Variants in CHD7 observed in about 807,000 individuals in gnomAD.
CHD7 encodes the protein ATP-dependent chromatin remodeler CHD7.
CHD7 carries 24 observed loss-of-function variants against 307.3 expected under a neutral mutation model. The observed-to-expected ratio is 0.08, with a 90% CI of 0.06 to 0.11. The LOEUF (loss-of-function observed/expected upper bound fraction) is 0.11, where lower values mean the gene tolerates loss of function less well. Ranked by LOEUF, CHD7 falls within the 10% of genes least tolerant of loss-of-function variation. The pLI, the probability that CHD7 is intolerant of heterozygous loss-of-function variation, is 1.00. For synonymous variants in CHD7, 1,363 were observed against 1,349.9 expected, an observed-to-expected ratio of 1.01 and a Z score of -0.21; for missense variants, 3,106 against 3,727.1, an observed-to-expected ratio of 0.83 and a Z score of 4.34.
intron 25 of CHD7, 132 bp from the exon 26 acceptor site, chr8:60,850,361 C>A (rs1429919442): frequency 1.4e-5 from 15 of 1,104,194 alleles, no homozygotes; most frequent in Non-Finnish European, 1.9e-5. Flanking sequence ...AAACAAGGTC[C>A]ACTTGGATTC....
chr8:60,695,543 T>C (rs185519049), intron 1 of CHD7, among the ~76,000 whole-genome samples: 6 of 152,322 alleles, frequency 3.9e-5, no homozygotes, highest in Admixed American at 2.0e-4. Flanking sequence ...GTGTGTGTTG[T>C]AGCGTTGGGA....
At chr8:60,761,138 T>C (rs949345293) in intron 2 of CHD7, among the ~76,000 whole-genome samples, 3 of 151,990 alleles carry the variant, frequency 2.0e-5, no homozygotes, top group South Asian at 4.2e-4. Flanking sequence ...GTGGCACATA[T>C]ACACCATGGA....
At chr8:60,850,755 T>G in intron 26 of CHD7, 133 bp downstream of exon 26, 1 of 893,554 alleles carries the variant, frequency 1.1e-6, no homozygotes, top group Non-Finnish European at 1.8e-6. Context: ...ACCAGTCTAC[T>G]CTATTTGTAT....
In CHD7 at chr8:60,856,039, T is replaced by C; in HGVS notation, c.7001T>C (p.Val2334Ala). The change falls in exon 33 of 38, where the codon GTA (valine) becomes GCA (alanine). Residue 2334 changes from valine (V) to alanine (A), a missense_variant. Physicochemically the swap from Val to Ala is moderately conservative, Grantham distance 64 (BLOSUM62 0). Coordinates refer to ENST00000423902, the MANE Select transcript of CHD7 (RefSeq NM_017780.4). ...CEAVLKGKWP[V>A]NRRQMFDFQG... ...GCAGTGTTGAAAGGCAAATGGCCAG[T>C]AAATAGGCGCCAGATGTTTGATTTC... The C allele has an allele frequency of 6.2e-7, 1 of 1,611,748 alleles. No individual in the cohort carries two copies. Among genetic ancestry groups the C allele is most frequent in the Non-Finnish European group, 8.5e-7 (1 of 1,178,872 alleles).
intron 6 of CHD7, among the ~76,000 whole-genome samples, chr8:60,804,029 C>T (rs1812434563): frequency 6.6e-6 from 1 of 152,158 alleles, no homozygotes; most frequent in Admixed American, 6.6e-5. Context: ...TTGACCTCAT[C>T]ACTGTGGCCT....
intron 1 of CHD7, among the ~76,000 whole-genome samples, chr8:60,701,003 C>T (rs914090720): frequency 5.3e-5 from 8 of 152,104 alleles, no homozygotes; most frequent in Admixed American, 2.0e-4. Context: ...GTTGTGATAA[C>T]GTTATGTTTG....
chr8:60,689,016 A>G (rs1806060062), intron 1 of CHD7, among the ~76,000 whole-genome samples: 1 of 152,166 alleles, frequency 6.6e-6, no homozygotes, highest in Non-Finnish European at 1.5e-5. Context: ...ACTAGAACAT[A>G]AGAAGGTTCT....
Position 60,865,588 on chromosome 8 carries a change from G to A in CHD7, c.8649G>A (p.Leu2883=). 6.2e-7 allele frequency: 1 copy of A among 1,614,028 alleles called. No homozygotes were observed. Among genetic ancestry groups the A allele is most frequent in the Non-Finnish European group, 8.5e-7 (1 of 1,179,874 alleles). The part of the protein sequence containing the change: ...SVGAATAPAG[L]PSNPLAFNPF... The stretch of plus-strand genomic sequence containing the variant: ...GTGCTGCTACTGCCCCGGCTGGATT[G>A]CCCTCAAACCCGCTAGCCTTCAACC... Residue 2883 remains leucine, a synonymous_variant, in exon 38 of 38, where the codon TTG becomes TTA. Transcript: ENST00000423902. This position sits in a 1 kb window ranked among gnomAD's most constrained non-coding sequence, Gnocchi z 4.3.
chr8:60,679,356 C>T (rs1450781903), intron 1 of CHD7, among the ~76,000 whole-genome samples: 2 of 133,742 alleles, frequency 1.5e-5, no homozygotes, highest in Non-Finnish European at 3.2e-5. Flanking sequence ...CTGCGTCCGC[C>T]GGGCCGGCGG....
chr8:60,680,025 T>G (rs1435234249), intron 1 of CHD7, among the ~76,000 whole-genome samples: 1 of 151,144 alleles, frequency 6.6e-6, no homozygotes, highest in Non-Finnish European at 1.5e-5. Context: ...GGACCCCACC[T>G]TGTCGAGCTG....
chr8:60,678,791 A>AGCGGCGGCGGCGGCGGCGGCAGCG lies in CHD7; in HGVS notation c.-446_-445insAGCGGCGGCGGCGGCGGCGGCGGC, dbSNP rs1563507066. 8.0e-5 allele frequency: 4 copies of AGCGGCGGCGGCGGCGGCGGCAGCG among 50,210 alleles called. No homozygotes were observed. Among genetic ancestry groups the AGCGGCGGCGGCGGCGGCGGCAGCG allele is most frequent in the African/African-American group, 2.9e-4 (4 of 13,618 alleles). 3.1% of individuals were successfully genotyped at this position (50,210 alleles called of 1,614,324 possible). A position where few individuals can be genotyped will look rare whatever the true frequency, so the allele number is the denominator to read the frequency against. ...CGGCGGCGGCGGCGGCGGCGGCGGCAGCGGCGGCGGCGGCGGCGGCGCGGG... is the reference window on the plus strand; with the variant it reads ...CGGCGGCGGCGGCGGCGGCGGCGGCAGCGGCGGCGGCGGCGGCGGCAGCGGCGGCGGCGGCGGCGGCGGCGCGGG... On this transcript the variant is annotated 5_prime_UTR_variant, in exon 1 of 38. Transcript: ENST00000423902.
In CHD7 at chr8:60,851,115, G is replaced by C; in HGVS notation, c.5607+11G>C. The C allele has an allele frequency of 6.4e-7, 1 of 1,554,088 alleles. No individual in the cohort carries two copies. Among genetic ancestry groups the C allele is most frequent in the Non-Finnish European group, 8.7e-7 (1 of 1,145,822 alleles). On this transcript the variant is annotated intron_variant, in intron 27 of 37. Coordinates refer to ENST00000423902, the MANE Select transcript of CHD7 (RefSeq NM_017780.4). ...AAAGATGAAATAGATGTATGAACTT[G>C]AGTATATTGGCTTTTATAGCTCCAT... is the stretch of plus-strand genomic sequence containing the variant.
At chr8:60,834,468 C>A (rs1032640755) in intron 15 of CHD7, among the ~76,000 whole-genome samples, 13 of 152,182 alleles carry the variant, frequency 8.5e-5, no homozygotes, top group Admixed American at 6.5e-5. Context: ...AGGGGCTTGT[C>A]CTGAATCTAG....
In CHD7 at chr8:60,862,583, A is replaced by T; in HGVS notation, c.8007A>T (p.Leu2669=). The T allele has an allele frequency of 6.3e-7, 1 of 1,578,598 alleles. No individual in the cohort carries two copies. Among genetic ancestry groups the T allele is most frequent in the Non-Finnish European group, 8.6e-7 (1 of 1,160,986 alleles). The change falls in exon 37 of 38, where the codon CTA becomes CTT. Residue 2669 remains leucine, a synonymous_variant. Coordinates refer to ENST00000423902, the MANE Select transcript of CHD7 (RefSeq NM_017780.4). ...GGAMAPPMKD[L]PRWLEENPEF... is the part of the protein sequence containing the mutation. ...CTATGGCGCCTCCAATGAAGGATCT[A>T]CCCAGGTGGCTGGAAGAAAATCCTG...
In CHD7 at chr8:60,865,403, G is replaced by A. The variant is rs1586468181; in HGVS notation, c.8464G>A (p.Ala2822Thr). The A allele has an allele frequency of 3.7e-6, 6 of 1,613,686 alleles. No individual in the cohort carries two copies. The East Asian group carries it at 1.3e-4, about 36-fold the overall frequency. ...LGGLLNNPLS[A>T]ATGNTTTASS... ...CGGGCTGTTGAATAACCCTCTGTCAGCTGCTACTGGAAACACCACTACTGC... is the reference window on the plus strand; with the variant it reads ...CGGGCTGTTGAATAACCCTCTGTCAACTGCTACTGGAAACACCACTACTGC... Residue 2822 changes from alanine (A) to threonine (T), a missense_variant, in exon 38 of 38, where the codon GCT (alanine) becomes ACT (threonine). Ala to Thr is a moderately conservative substitution (Grantham distance 58). This residue lies in a region of CHD7 where 351 missense variants were observed against 366.2 expected (regional missense o/e 0.96). Coordinates refer to ENST00000423902, the MANE Select transcript of CHD7 (RefSeq NM_017780.4). This position sits in a 1 kb window ranked among gnomAD's most constrained non-coding sequence, Gnocchi z 4.3.
At chr8:60,722,889 C>CTT (rs1807981149) in intron 1 of CHD7, among the ~76,000 whole-genome samples, 1 of 152,188 alleles carries the variant, frequency 6.6e-6, no homozygotes, top group Non-Finnish European at 1.5e-5. Flanking sequence ...TACATCAAAA[C>CTT]TCTACAAGGG....
intron 4 of CHD7, among the ~76,000 whole-genome samples, chr8:60,797,752 G>A (rs544699114): frequency 6.6e-6 from 1 of 152,336 alleles, no homozygotes; most frequent in African/African-American, 2.4e-5. Flanking sequence ...TATTAAAATT[G>A]TTCTTGATAA....
At chr8:60,778,352 T>C (rs987400170) in intron 2 of CHD7, among the ~76,000 whole-genome samples, 4 of 152,242 alleles carry the variant, frequency 2.6e-5, no homozygotes, top group South Asian at 4.1e-4. Context: ...ATTAATACTT[T>C]TTTGTATTTG....
At chr8:60,692,391 G>A (rs1286238228) in intron 1 of CHD7, among the ~76,000 whole-genome samples, 1 of 152,148 alleles carries the variant, frequency 6.6e-6, no homozygotes, top group Non-Finnish European at 1.5e-5. Flanking sequence ...TTAAAAGCTT[G>A]TTTTGTATAT....
Sources: gnomAD v4.1 joint callset for allele counts (sites outside exome capture counted in the v4.1 genomes callset) on GRCh38, gnomAD v4.1.1 for gene constraint, gnomAD v4.1.1 regional missense constraint, Gnocchi (gnomAD v3.1) non-coding constraint, MANE v1.5 for transcripts, NCBI Gene and HGNC (gene_info 2026-07-23, HGNC 2026-07-21) for gene names.